FADS2: variants seen among roughly 807,000 people sequenced by gnomAD.
FADS2 encodes the protein acyl-CoA 6-desaturase.
A neutral mutation model predicts 61.2 loss-of-function variants in FADS2; 18 were observed. The ratio of observed to expected loss-of-function variants is 0.29; its 90% CI spans 0.20 to 0.44. FADS2 has a LOEUF of 0.44. FADS2 is among the 20% of genes least tolerant of loss of function. The pLI is 1.00. For missense variants in FADS2, 322 were observed against 572.7 expected (o/e 0.56, Z 4.47); for synonymous variants, 203 against 223.9 (o/e 0.91, Z 0.83).
chr11:61,864,269 T>C (rs1420822295), intron 10 of FADS2: 1 of 153,398 alleles, frequency 6.5e-6, no homozygotes, highest in Admixed American at 6.5e-5. Flanking sequence ...AGTGGTGCTT[T>C]CTTGGCTCAC....
At chr11:61,817,231 T>A (rs1440692398) in intron 1 of FADS2, 1 of 349,468 alleles carries the variant, frequency 2.9e-6, no homozygotes, top group Non-Finnish European at 5.1e-6. Context: ...GGTTTTTCCG[T>A]GCACGAGGCT....
chr11:61,845,733 G>A (rs2067252036), intron 4 of FADS2, among the ~76,000 whole-genome samples: 1 of 148,166 alleles, frequency 6.7e-6, no homozygotes, highest in South Asian at 2.1e-4. Context: ...GCAGTGAGCT[G>A]AGATTGCACC....
Position 61,818,264 on chromosome 11 carries a change from G to A in FADS2, c.141+1838G>A, listed in dbSNP as rs143580402. 1.7e-3 allele frequency among the ~76,000 whole-genome samples: 260 copies of A among 152,212 alleles called. 2 individuals carry two copies. The highest frequency in any genetic ancestry group is 1.9e-3 in the Non-Finnish European group (132 of 68,012). On this transcript the variant is annotated intron_variant, in intron 1 of 11. Transcript: ENST00000257261. ...AAAATTGAGGTTCGAAATGGGGAAG[G>A]GGCTTACCAAGTTCCCATAGGGAAG... is the stretch of plus-strand genomic sequence containing the variant.
At chr11:61,826,603 ATCC>A, upstream of FADS2, 2 of 581,224 alleles carry the variant, frequency 3.4e-6, no homozygotes, top group South Asian at 2.1e-5. Context: ...GTCTTGCTTC[ATCC>A]TCTTATTTTG....
Position 61,861,033 on chromosome 11 carries a change from CCCCAT to C in FADS2, c.883-1937_883-1933del, listed in dbSNP as rs566009416. 2.3e-3 allele frequency among the ~76,000 whole-genome samples: 352 copies of C among 151,902 alleles called. 1 individual carries two copies. Among genetic ancestry groups the C allele is most frequent in the African/African-American group, 5.7e-3 (236 of 41,434 alleles). ...CAGCCTGGGCAAGTAAGTGAGACCCCCCCATCTCTATAAAAACTTAAAAAAAATTA... is the reference window on the plus strand; with the variant it reads ...CAGCCTGGGCAAGTAAGTGAGACCCCCTCTATAAAAACTTAAAAAAAATTA... On this transcript the variant is annotated intron_variant, in intron 7 of 11. Coordinates refer to ENST00000278840, the MANE Select transcript of FADS2 (RefSeq NM_004265.4).
intron 5 of FADS2, chr11:61,856,796 C>G (rs2067363105): frequency 1.7e-6 from 1 of 578,886 alleles, no homozygotes; most frequent in East Asian, 2.8e-5. Context: ...TCGGCTAGGG[C>G]TGAGGAAGCG....
At chr11:61,849,353 C>T (rs2067287176) in intron 5 of FADS2, among the ~76,000 whole-genome samples, 1 of 152,148 alleles carries the variant, frequency 6.6e-6, no homozygotes, top group South Asian at 2.1e-4. Context: ...CTAAACAGTA[C>T]AGAAATATCC....
chr11:61,835,331 A>T (rs1323866650), intron 1 of FADS2, among the ~76,000 whole-genome samples: 3 of 151,654 alleles, frequency 2.0e-5, no homozygotes, highest in Non-Finnish European at 4.4e-5. Flanking sequence ...CCCTTGGGAG[A>T]TCCTTACGTG....
At chr11:61,850,895 C>G (rs1418050925) in intron 5 of FADS2, among the ~76,000 whole-genome samples, 2 of 152,170 alleles carry the variant, frequency 1.3e-5, no homozygotes, top group Non-Finnish European at 2.9e-5. Flanking sequence ...GGCGAGGAGA[C>G]AGCCTGGCTC....
intron 1 of FADS2, among the ~76,000 whole-genome samples, chr11:61,837,542 A>C (rs780696069): frequency 1.3e-5 from 2 of 152,136 alleles, no homozygotes; most frequent in African/African-American, 2.4e-5. Flanking sequence ...ACCCCTGGGG[A>C]GTGTAGCATG....
chr11:61,821,536 C>T, intron 1 of FADS2: 2 of 667,036 alleles, frequency 3.0e-6, no homozygotes, highest in South Asian at 3.3e-5. Flanking sequence ...TAGCCTGGAT[C>T]CTTTACAAAG....
At chr11:61,824,848 A>G (rs952586913), upstream of FADS2, among the ~76,000 whole-genome samples, 1 of 152,158 alleles carries the variant, frequency 6.6e-6, no homozygotes, top group East Asian at 1.9e-4. Flanking sequence ...AGCTTAGCAA[A>G]TACAGCCATA....
chr11:61,828,447 C>G lies in FADS2; in HGVS notation c.57C>G (p.Pro19=). ...EGAAEREVSV[P]TFSWEEIQKH... ...CCGCCGAGCGCGAGGTGTCGGTGCC[C>G]ACCTTCAGCTGGGAGGAGATTCAGA... The change falls in exon 1 of 12, where the codon CCC becomes CCG. Residue 19 remains proline, a synonymous_variant. Transcript: ENST00000278840. The surrounding 1 kb of genome is among the most constrained non-coding windows in gnomAD (Gnocchi z 6.4). 6.3e-7 allele frequency: 1 copy of G among 1,598,756 alleles called. No homozygotes were observed. Among genetic ancestry groups the G allele is most frequent in the Non-Finnish European group, 8.5e-7 (1 of 1,174,198 alleles).
intron 6 of FADS2, 100 bp downstream of exon 6, chr11:61,857,171 T>A: frequency 1.8e-6 from 2 of 1,091,810 alleles, no homozygotes; most frequent in Non-Finnish European, 1.4e-6. Flanking sequence ...ATCCAGAAAG[T>A]GACACTAAAC....
intron 7 of FADS2, among the ~76,000 whole-genome samples, chr11:61,859,155 T>G (rs1401442114): frequency 1.3e-5 from 2 of 152,076 alleles, no homozygotes; most frequent in African/African-American, 4.8e-5. Context: ...CCTCCTGGGT[T>G]CGAGTAATTC....
chr11:61,847,980 G>C (rs1053174882), intron 4 of FADS2, 179 bp from the exon 5 acceptor site: 1 of 642,776 alleles, frequency 1.6e-6, no homozygotes, highest in African/African-American at 1.8e-5. Flanking sequence ...ACTCCATCTG[G>C]GGCTGGCGCA....
intron 5 of FADS2, 78 bp downstream of exon 5, chr11:61,848,362 A>T (rs1327464971): frequency 6.3e-7 from 1 of 1,591,900 alleles, no homozygotes; most frequent in African/African-American, 1.3e-5. Context: ...ACAACTAAGG[A>T]GATGGTGTTG....
At chr11:61,841,051 C>T (rs1446598672) in intron 4 of FADS2, among the ~76,000 whole-genome samples, 1 of 148,756 alleles carries the variant, frequency 6.7e-6, no homozygotes, top group Admixed American at 6.8e-5. Flanking sequence ...AGTAAAGTAG[C>T]AGTATTTTTT....
intron 4 of FADS2, among the ~76,000 whole-genome samples, chr11:61,840,990 G>T (rs2067213351): frequency 1.3e-5 from 2 of 151,848 alleles, no homozygotes; most frequent in Non-Finnish European, 2.9e-5. Context: ...TGTATTTTTT[G>T]ATGTTCCTTA....
Sources: allele counts gnomAD v4.1 joint callset (sites outside exome capture counted in the v4.1 genomes callset), GRCh38; gene constraint gnomAD v4.1.1; non-coding constraint Gnocchi (gnomAD v3.1); transcripts MANE v1.5; gene names NCBI Gene and HGNC (gene_info 2026-07-23, HGNC 2026-07-21).